TRIP4: variants seen among roughly 807,000 people sequenced by gnomAD.
TRIP4 encodes the protein activating signal cointegrator 1.
Under a neutral mutation model 81.8 loss-of-function variants are expected in TRIP4, and 54 were observed. That is an observed-to-expected ratio of 0.66 (90% confidence interval 0.53 to 0.83). The LOEUF (loss-of-function observed/expected upper bound fraction) is 0.83, where lower values mean the gene tolerates loss of function less well. Ranked by LOEUF, TRIP4 falls within the 40% of genes least tolerant of loss-of-function variation. The pLI is 0.00. For synonymous variants in TRIP4, 270 were observed against 242.8 expected (o/e 1.11, Z -1.04); for missense variants, 662 against 683.6 (o/e 0.97, Z 0.35).
chr15:64,453,794 G>T (rs1056439215), intron 12 of TRIP4, among the ~76,000 whole-genome samples: 1 of 152,230 alleles, frequency 6.6e-6, no homozygotes, highest in African/African-American at 2.4e-5. Flanking sequence ...GGCAAGAGGA[G>T]ATTTAAGTAA....
rs576612460 is a variant in TRIP4 at position 64,455,222 on chromosome 15, T to C, written c.*158T>C. ...CTTACCAAAATCTGTATATTTTTCTTAAGGAGTGGGATTCCTACTTTATGT... is the reference window on the plus strand; with the variant it reads ...CTTACCAAAATCTGTATATTTTTCTCAAGGAGTGGGATTCCTACTTTATGT... On this transcript the variant is annotated 3_prime_UTR_variant, in exon 13 of 13. Transcript: ENST00000261884. 7.6e-5 allele frequency: 41 copies of C among 536,628 alleles called. No homozygotes were observed. The highest frequency in any genetic ancestry group is 6.9e-4 in the African/African-American group (36 of 51,910). 33.2% of individuals were successfully genotyped at this position (536,628 alleles called of 1,614,324 possible).
rs773018211 is a variant in TRIP4 at position 64,397,745 on chromosome 15, A to G, written c.545A>G (p.Asn182Ser). The change falls in exon 4 of 13, where the codon AAT becomes AGT. Residue 182 changes from asparagine to serine, a missense_variant. Coordinates refer to ENST00000261884, the MANE Select transcript of TRIP4 (RefSeq NM_016213.5). ...CTGGGCCAGAAGCACAAGCTCATCA[A>G]TAACTGTCTGATCTGTGGGCGCATT... The part of the protein sequence containing the change: ...DCLGQKHKLI[N>S]NCLICGRIVC... 4 of 1,614,248 alleles carry G rather than the reference A, an allele frequency of 2.5e-6. No individual in the cohort carries two copies. The highest frequency in any genetic ancestry group is 3.4e-6 in the Non-Finnish European group (4 of 1,180,040).
rs775188979 is a variant in TRIP4, at chr15:64,424,020, ATTTG to A, written c.1359-7_1359-4del. ...TTTATATCCTTCCCACTAAATTTCT[ATTTG>A]TTTAAGGGTGGAGGGCAGATCCTGG... On this transcript the variant is annotated splice_region_variant and splice_polypyrimidine_tract_variant and intron_variant, in intron 9 of 12. Transcript: ENST00000261884. The A allele has an allele frequency of 6.8e-6, 11 of 1,612,820 alleles. No individual in the cohort carries two copies. In the Admixed American group the frequency reaches 1.9e-4, roughly 27 times the overall value.
At chr15:64,428,772 C>A (rs1892205762) in intron 11 of TRIP4, among the ~76,000 whole-genome samples, 1 of 151,886 alleles carries the variant, frequency 6.6e-6, no homozygotes, top group South Asian at 2.1e-4. Flanking sequence ...CCACACCTGG[C>A]CATTTTTTTT....
At chr15:64,446,199 G>A (rs535753127) in intron 12 of TRIP4, among the ~76,000 whole-genome samples, 18 of 151,680 alleles carry the variant, frequency 1.2e-4, no homozygotes, top group Non-Finnish European at 2.4e-4. Context: ...GCTTGAACTC[G>A]GGAGGCAGAG....
At chr15:64,418,080 T>C (rs1596347668) in intron 8 of TRIP4, among the ~76,000 whole-genome samples, 1 of 152,204 alleles carries the variant, frequency 6.6e-6, no homozygotes. Flanking sequence ...TTTGGCCTTA[T>C]TGCAGACAAA....
Position 64,436,763 on chromosome 15 carries a change from CTTTTTTT to C in TRIP4, c.1576-8220_1576-8214del, listed in dbSNP as rs71133433. Among the ~76,000 whole-genome samples the C allele has an allele frequency of 7.3e-3, 157 of 21,400 alleles. 1 individual carries two copies. The highest frequency in any genetic ancestry group is 0.034 in the African/African-American group (152 of 4,478). The allele number at this position is 21,400 out of a possible 152,430, so 14.0% of individuals were successfully genotyped here. A position where few individuals can be genotyped will look rare whatever the true frequency, so the allele number is the denominator to read the frequency against. On this transcript the variant is annotated intron_variant, in intron 11 of 12. Coordinates refer to ENST00000261884, the MANE Select transcript of TRIP4 (RefSeq NM_016213.5). ...TAGTTCTTTAGGTGACCATCTATGC[CTTTTTTT>C]TTTTTTTTTTTTTTTTTTTTTTAAT...
chr15:64,436,929 C>T (rs1892415829), intron 11 of TRIP4, among the ~76,000 whole-genome samples: 1 of 151,332 alleles, frequency 6.6e-6, no homozygotes, highest in African/African-American at 2.4e-5. Flanking sequence ...GGATGGTCTC[C>T]ATCTCCTGAC....
At chr15:64,422,732 G>A (rs1383592046) in intron 9 of TRIP4, among the ~76,000 whole-genome samples, 2 of 152,190 alleles carry the variant, frequency 1.3e-5, no homozygotes, top group Non-Finnish European at 2.9e-5. Flanking sequence ...TCACAGAAGC[G>A]AAAGAATGAG....
At chr15:64,449,091 A>G (rs1391520524) in intron 12 of TRIP4, among the ~76,000 whole-genome samples, 1 of 151,918 alleles carries the variant, frequency 6.6e-6, no homozygotes, top group African/African-American at 2.4e-5. Flanking sequence ...GTGTGCCTAT[A>G]GTGCCAGCTA....
intron 12 of TRIP4, chr15:64,450,691 G>C (rs897027606): frequency 4.4e-6 from 2 of 455,876 alleles, no homozygotes; most frequent in South Asian, 1.5e-5. Flanking sequence ...AAGAACGTCT[G>C]AATTCCTGGG....
intron 11 of TRIP4, among the ~76,000 whole-genome samples, chr15:64,436,867 C>T (rs1358850086): frequency 6.9e-6 from 1 of 143,970 alleles, no homozygotes; most frequent in Non-Finnish European, 1.5e-5. Flanking sequence ...TGCCACCACA[C>T]CCAGCTAATT....
intron 11 of TRIP4, 22 bp downstream of exon 11, chr15:64,425,653 T>A: frequency 3.1e-6 from 5 of 1,590,648 alleles, no homozygotes; most frequent in Non-Finnish European, 4.3e-6. Flanking sequence ...ATACTTTTTT[T>A]TTTTAGAGAC....
chr15:64,441,245 T>C (rs1407167548), intron 11 of TRIP4, among the ~76,000 whole-genome samples: 1 of 151,730 alleles, frequency 6.6e-6, no homozygotes. Flanking sequence ...GTCCGCCCGC[T>C]TTGGCCTCCC....
Position 64,455,082 on chromosome 15 carries a change from T to C in TRIP4, c.*18T>C. On this transcript the variant is annotated 3_prime_UTR_variant, in exon 13 of 13. Transcript: ENST00000261884. The stretch of plus-strand genomic sequence containing the variant: ...CTGTCTGACCCAGGAGAAAAGGAAC[T>C]ATACAGCATAGTGGAGTTTTGTGTA... The C allele has an allele frequency of 6.2e-7, 1 of 1,612,332 alleles. No homozygotes were observed. Among genetic ancestry groups the C allele is most frequent in the South Asian group, 1.1e-5 (1 of 90,852 alleles).
At chr15:64,410,892 A>G (rs960762018) in intron 7 of TRIP4, among the ~76,000 whole-genome samples, 3 of 152,362 alleles carry the variant, frequency 2.0e-5, no homozygotes, top group Admixed American at 6.5e-5. Context: ...ACTAAAAACA[A>G]TTTACAAGTG....
intron 7 of TRIP4, among the ~76,000 whole-genome samples, chr15:64,412,443 A>G (rs970386120): frequency 1.3e-5 from 2 of 152,150 alleles, no homozygotes; most frequent in African/African-American, 2.4e-5. Flanking sequence ...GGATGATGGA[A>G]TAATAACCAC....
At position 64,409,595 on chromosome 15, in the gene TRIP4, G is replaced by A. The variant is rs1891714066; in HGVS notation, c.828-18G>A. 1.9e-6 allele frequency: 3 copies of A among 1,610,306 alleles called. No homozygotes were observed. Among genetic ancestry groups the A allele is most frequent in the South Asian group, 1.1e-5 (1 of 90,886 alleles). On this transcript the variant is annotated intron_variant, in intron 6 of 12. Transcript: ENST00000261884. ...TGTCAACAGATGACCTAATTACCAT[G>A]TGTTCCCTTTTTCTCAGTATTCGAA... is the stretch of plus-strand genomic sequence containing the variant.
chr15:64,418,511 A>G (rs2140297338), intron 8 of TRIP4, 30 bp from the exon 9 acceptor site: 1 of 1,583,418 alleles, frequency 6.3e-7, no homozygotes, highest in East Asian at 2.3e-5. Flanking sequence ...GCCTTATAAG[A>G]TAGAACTGTA....
Sources: allele counts gnomAD v4.1 joint callset (sites outside exome capture counted in the v4.1 genomes callset), GRCh38; gene constraint gnomAD v4.1.1; transcripts MANE v1.5; gene names NCBI Gene and HGNC (gene_info 2026-07-23, HGNC 2026-07-21).